The following HIVEP3 variants were observed in gnomAD, a reference collection of about 807,000 sequenced individuals.
The protein encoded by HIVEP3 is transcription factor HIVEP3.
HIVEP3 carries 49 observed loss-of-function variants against 152.8 expected under a neutral mutation model. The ratio of observed to expected loss-of-function variants is 0.32; its 90% CI spans 0.26 to 0.41. The LOEUF (loss-of-function observed/expected upper bound fraction) is 0.41. Ranked by LOEUF, HIVEP3 falls within the 10% of genes least tolerant of loss-of-function variation. HIVEP3 has a pLI of 1.00. For missense variants in HIVEP3, 2,790 were observed against 3,103.3 expected (o/e 0.90, Z 2.40); for synonymous variants, 1,269 against 1,289.0 (o/e 0.98, Z 0.33).
chr1:41,696,494 GC>G (rs774538511), intron 2 of HIVEP3, among the ~76,000 whole-genome samples: 16 of 152,248 alleles, frequency 1.1e-4, no homozygotes, highest in Non-Finnish European at 2.1e-4. Flanking sequence ...TTATGTGCAG[GC>G]CCCAAGGCCA....
intron 1 of HIVEP3, among the ~76,000 whole-genome samples, chr1:41,924,275 A>G (rs567597012): frequency 1.3e-5 from 2 of 152,304 alleles, no homozygotes; most frequent in Admixed American, 1.3e-4. Flanking sequence ...GAGGGAGCAT[A>G]GCCCTATCAA....
intron 1 of HIVEP3, among the ~76,000 whole-genome samples, chr1:41,986,419 A>G (rs1158551672): frequency 2.0e-5 from 3 of 149,652 alleles, no homozygotes; most frequent in Admixed American, 6.7e-5. Flanking sequence ...CTGACATTAC[A>G]CTTTTGTGTT....
intron 2 of HIVEP3, among the ~76,000 whole-genome samples, chr1:41,681,089 G>GGTGTGTGTGTGTGT (rs35572259): frequency 9.3e-4 from 138 of 148,344 alleles, no homozygotes; most frequent in Non-Finnish European, 8.4e-4. Flanking sequence ...GCTAAGAACT[G>GGTGTGTGTGTGTGT]GTGTGTGTGT....
intron 5 of HIVEP3, among the ~76,000 whole-genome samples, chr1:41,531,319 GATTGAGGACATGAGAC>G (rs1643243198): frequency 7.1e-6 from 1 of 141,136 alleles, no homozygotes. Context: ...GGACAGGGGA[GATTGAGGACATGAGAC>G]ATAGAGGACA....
intron 1 of HIVEP3, among the ~76,000 whole-genome samples, chr1:42,006,573 A>G (rs2124526899): frequency 6.6e-6 from 1 of 151,948 alleles, no homozygotes; most frequent in Admixed American, 6.5e-5. Context: ...AAGCCAAAAA[A>G]AAAAAAAAAA....
At chr1:41,968,306 G>A (rs567814673) in intron 1 of HIVEP3, among the ~76,000 whole-genome samples, 3 of 151,050 alleles carry the variant, frequency 2.0e-5, no homozygotes, top group South Asian at 2.1e-4. Context: ...GCAAAAATCC[G>A]CAATAAAATA....
At position 41,630,435 on chromosome 1, in the gene HIVEP3, T is replaced by G. The variant is rs190737917; in HGVS notation, c.-720-1488A>C. 2.3e-3 allele frequency among the ~76,000 whole-genome samples: 355 copies of G among 152,288 alleles called. 1 individual carries two copies. The highest frequency in any genetic ancestry group is 5.0e-3 in the South Asian group (24 of 4,822). ...AATCTAATAGAAAAGTTGAAATTAT[T>G]TTTAAAAAGCAGAGTTTTCTCTGGC... On this transcript the variant is annotated intron_variant, in intron 2 of 8. Coordinates refer to ENST00000372583, the MANE Select transcript of HIVEP3 (RefSeq NM_024503.5).
intron 2 of HIVEP3, among the ~76,000 whole-genome samples, chr1:41,681,599 T>C (rs1441661838): frequency 6.6e-6 from 1 of 152,188 alleles, no homozygotes; most frequent in Non-Finnish European, 1.5e-5. Flanking sequence ...TTGCACCACA[T>C]TCTTTCACAG....
chr1:41,978,879 T>TCCTTGCC (rs988798650), intron 1 of HIVEP3, among the ~76,000 whole-genome samples: 4 of 152,124 alleles, frequency 2.6e-5, no homozygotes, highest in Middle Eastern at 3.2e-3. Flanking sequence ...ACCTTCCCAG[T>TCCTTGCC]CCTTGCCCCT....
At chr1:42,021,988 G>T (rs1355713925) in intron 1 of HIVEP3, among the ~76,000 whole-genome samples, 1 of 152,124 alleles carries the variant, frequency 6.6e-6, no homozygotes, top group Non-Finnish European at 1.5e-5. Context: ...TTCCATGGTG[G>T]CTTCATCTTT....
At chr1:41,620,162 C>T (rs995947568) in intron 3 of HIVEP3, among the ~76,000 whole-genome samples, 6 of 152,146 alleles carry the variant, frequency 3.9e-5, no homozygotes, top group Admixed American at 1.3e-4. Flanking sequence ...AAACAGAGCC[C>T]GAACAGAGGC....
intron 5 of HIVEP3, 35 bp downstream of exon 5, chr1:41,575,509 G>GGAACA: frequency 6.2e-7 from 1 of 1,608,074 alleles, no homozygotes; most frequent in Admixed American, 1.7e-5. Flanking sequence ...CTTATTCCAC[G>GGAACA]GAAGCAGACG....
intron 1 of HIVEP3, among the ~76,000 whole-genome samples, chr1:41,914,052 T>C (rs546787614): frequency 6.6e-6 from 1 of 152,188 alleles, no homozygotes; most frequent in Non-Finnish European, 1.5e-5. Context: ...ATATAAAGCT[T>C]CCCCCTTTAT....
At chr1:41,747,393 C>T (rs1647088753) in intron 1 of HIVEP3, among the ~76,000 whole-genome samples, 1 of 152,198 alleles carries the variant, frequency 6.6e-6, no homozygotes, top group Non-Finnish European at 1.5e-5. Flanking sequence ...CTGGCAGCTG[C>T]CTACCTCCAA....
At position 41,511,010 on chromosome 1, in the gene HIVEP3, C is replaced by T; in HGVS notation, c.6662G>A (p.Trp2221Ter). 6.2e-7 allele frequency: 1 copy of T among 1,613,492 alleles called. No individual in the cohort carries two copies. ...GCCACCCCCGGAGAAGCCACTGACC[C>T]AGGCTGCGGTGGGCCCTGGCAGCAG... ...PTLLPGPTAA[W>*]VSGFSGGGSD... Residue 2221 changes from tryptophan (W) to a stop codon, truncating the protein, a stop_gained, in exon 9 of 9, where the codon TGG becomes TAG. Coordinates refer to ENST00000372583, the MANE Select transcript of HIVEP3 (RefSeq NM_024503.5). LOFTEE classifies it high-confidence loss of function. This position sits in a 1 kb window ranked among gnomAD's most constrained non-coding sequence, Gnocchi z 4.9.
At chr1:41,659,297 G>A (rs565909834) in intron 2 of HIVEP3, among the ~76,000 whole-genome samples, 3 of 152,280 alleles carry the variant, frequency 2.0e-5, no homozygotes, top group Admixed American at 1.3e-4. Context: ...GGGCCCCCAC[G>A]TGTAGCTTCT....
chr1:41,590,135 G>A (rs1380197197), intron 3 of HIVEP3, among the ~76,000 whole-genome samples: 1 of 152,228 alleles, frequency 6.6e-6, no homozygotes, highest in Non-Finnish European at 1.5e-5. Context: ...TGTGGGCTCA[G>A]GTGGTGGCAA....
At chr1:41,934,276 T>C (rs897379273) in intron 1 of HIVEP3, among the ~76,000 whole-genome samples, 1 of 152,160 alleles carries the variant, frequency 6.6e-6, no homozygotes, top group Non-Finnish European at 1.5e-5. Context: ...CTACTAGAGT[T>C]CATTAAGCCA....
intron 2 of HIVEP3, among the ~76,000 whole-genome samples, chr1:41,631,359 A>G (rs1341392764): frequency 6.6e-6 from 1 of 152,158 alleles, no homozygotes; most frequent in Non-Finnish European, 1.5e-5. Context: ...TACTTTAATG[A>G]GTCCGTACAT....
Sources: gnomAD v4.1 joint callset for allele counts (sites outside exome capture counted in the v4.1 genomes callset) on GRCh38, gnomAD v4.1.1 for gene constraint, Gnocchi (gnomAD v3.1) non-coding constraint, MANE v1.5 for transcripts, NCBI Gene and HGNC (gene_info 2026-07-23, HGNC 2026-07-21) for gene names.